GRIN2B: variants seen among roughly 807,000 people sequenced by gnomAD.
GRIN2B encodes glutamate ionotropic receptor NMDA type subunit 2B.
In GRIN2B, 5 loss-of-function variants were observed where a neutral mutation model predicts 114.5. The observed-to-expected ratio is 0.04, with a 90% CI of 0.02 to 0.09. GRIN2B has a LOEUF of 0.09. Among genes scored for constraint, GRIN2B ranks in the 10% least tolerant of loss-of-function variants. GRIN2B has a pLI of 1.00. For missense variants in GRIN2B, 1,108 were observed against 1,943.5 expected (o/e 0.57, Z 8.08); for synonymous variants, 787 against 745.1 (o/e 1.06, Z -0.92).
intron 3 of GRIN2B, among the ~76,000 whole-genome samples, chr12:13,833,411 C>T (rs1865189950): frequency 1.3e-5 from 2 of 152,304 alleles, no homozygotes; most frequent in African/African-American, 2.4e-5. Flanking sequence ...GCATATTGGC[C>T]TTTTGCTTAT....
At chr12:13,641,625 C>T (rs1158599962) in intron 5 of GRIN2B, among the ~76,000 whole-genome samples, 1 of 152,104 alleles carries the variant, frequency 6.6e-6, no homozygotes, top group Non-Finnish European at 1.5e-5. Flanking sequence ...CATCTATGAA[C>T]TTAATGAGTA....
At chr12:13,880,525 C>T (rs1352214757) in intron 2 of GRIN2B, among the ~76,000 whole-genome samples, 1 of 152,130 alleles carries the variant, frequency 6.6e-6, no homozygotes, top group Admixed American at 6.5e-5. Flanking sequence ...CCGCAGCTGC[C>T]TCTGAGAGCT....
At chr12:13,666,650 C>T (rs1949978980) in intron 5 of GRIN2B, among the ~76,000 whole-genome samples, 1 of 152,068 alleles carries the variant, frequency 6.6e-6, no homozygotes, top group South Asian at 2.1e-4. Context: ...AGTTAACATG[C>T]CAAGGTCAGA....
intron 2 of GRIN2B, among the ~76,000 whole-genome samples, chr12:13,931,767 G>C (rs902358415): frequency 2.6e-5 from 4 of 152,150 alleles, no homozygotes; most frequent in South Asian, 2.1e-4. Flanking sequence ...CAACTGCATA[G>C]TCATCCACAA....
At chr12:13,660,743 T>G (rs1360566087) in intron 5 of GRIN2B, among the ~76,000 whole-genome samples, 1 of 152,222 alleles carries the variant, frequency 6.6e-6, no homozygotes, top group Admixed American at 6.6e-5. Flanking sequence ...GCACTTCCTT[T>G]GCATCCTTAT....
intron 2 of GRIN2B, among the ~76,000 whole-genome samples, chr12:13,971,219 A>C (rs1379144145): frequency 2.0e-5 from 3 of 152,232 alleles, no homozygotes; most frequent in African/African-American, 7.2e-5. Flanking sequence ...AACCACACTC[A>C]TACCCTTTCT....
intron 2 of GRIN2B, among the ~76,000 whole-genome samples, chr12:13,894,309 G>C (rs1000136753): frequency 2.6e-5 from 4 of 152,074 alleles, no homozygotes; most frequent in African/African-American, 9.7e-5. Flanking sequence ...ATTTATAATA[G>C]TGAAAAATGG....
intron 2 of GRIN2B, among the ~76,000 whole-genome samples, chr12:13,872,654 T>C (rs767610984): frequency 1.3e-5 from 2 of 152,134 alleles, no homozygotes; most frequent in Non-Finnish European, 2.9e-5. Flanking sequence ...ATAACATACT[T>C]GACTAAGGGA....
chr12:13,819,649 A>C (rs1215003885), intron 3 of GRIN2B, among the ~76,000 whole-genome samples: 1 of 152,178 alleles, frequency 6.6e-6, no homozygotes, highest in Non-Finnish European at 1.5e-5. Context: ...CTCCCACAAA[A>C]CACAAAAATA....
At chr12:13,748,147 G>A (rs1434349363) in intron 4 of GRIN2B, among the ~76,000 whole-genome samples, 2 of 152,214 alleles carry the variant, frequency 1.3e-5, no homozygotes, top group Non-Finnish European at 2.9e-5. Context: ...AGAATTTAGG[G>A]AAGGAGGAAA....
intron 5 of GRIN2B, among the ~76,000 whole-genome samples, chr12:13,659,074 C>T (rs200994080): frequency 1.3e-5 from 2 of 152,224 alleles, no homozygotes; most frequent in East Asian, 3.9e-4. Flanking sequence ...TTATCCCCTC[C>T]GTGGAGAACA....
chr12:13,656,252 T>C (rs1949862120), intron 5 of GRIN2B, among the ~76,000 whole-genome samples: 1 of 152,236 alleles, frequency 6.6e-6, no homozygotes, highest in Non-Finnish European at 1.5e-5. Flanking sequence ...ATAAATTGTT[T>C]CTAATTTTGA....
chr12:13,783,126 A>G (rs1864150599), intron 3 of GRIN2B, among the ~76,000 whole-genome samples: 2 of 152,214 alleles, frequency 1.3e-5, no homozygotes, highest in Admixed American at 6.5e-5. Flanking sequence ...TTTATAATAC[A>G]CTACCAAAAA....
chr12:13,538,773 C>A lies in GRIN2B; in HGVS notation c.*24010G>T, dbSNP rs1373920019. On this transcript the variant is annotated 3_prime_UTR_variant, in exon 14 of 14. Transcript: ENST00000609686. ...AAGGCTGCAGTGAGCCGTAATCATA[C>A]CTCTCCACTCCAGCCTGGATGACAG... 1.3e-5 allele frequency: 2 copies of A among 151,842 alleles called. No individual in the cohort carries two copies. The highest frequency in any genetic ancestry group is 4.8e-5 in the African/African-American group (2 of 41,312). 9.4% of individuals were successfully genotyped at this position (151,842 alleles called of 1,614,324 possible).
intron 5 of GRIN2B, among the ~76,000 whole-genome samples, chr12:13,652,219 T>C (rs1033862554): frequency 2.0e-5 from 3 of 151,950 alleles, no homozygotes; most frequent in Non-Finnish European, 4.4e-5. Context: ...ACTTCAAATG[T>C]TTCCTTCTCT....
intron 3 of GRIN2B, among the ~76,000 whole-genome samples, chr12:13,802,474 G>A (rs747674961): frequency 2.0e-5 from 3 of 152,094 alleles, no homozygotes; most frequent in African/African-American, 4.8e-5. Flanking sequence ...AATTTATGCT[G>A]AAGAAATAAT....
intron 5 of GRIN2B, among the ~76,000 whole-genome samples, chr12:13,618,706 C>G (rs769770393): frequency 6.6e-6 from 1 of 152,192 alleles, no homozygotes; most frequent in Non-Finnish European, 1.5e-5. Flanking sequence ...TACATTGAGT[C>G]TAGCCTACCT....
At chr12:13,907,697 G>A (rs1866564969) in intron 2 of GRIN2B, among the ~76,000 whole-genome samples, 1 of 152,008 alleles carries the variant, frequency 6.6e-6, no homozygotes, top group Non-Finnish European at 1.5e-5. Flanking sequence ...TCTGTTTAGT[G>A]GTTATATGGA....
chr12:13,925,191 C>G (rs1451030517), intron 2 of GRIN2B, among the ~76,000 whole-genome samples: 1 of 152,218 alleles, frequency 6.6e-6, no homozygotes, highest in Non-Finnish European at 1.5e-5. Flanking sequence ...CTGACTTCAC[C>G]TTAGAAACAG....
Sources: allele counts gnomAD v4.1 joint callset (sites outside exome capture counted in the v4.1 genomes callset), GRCh38; gene constraint gnomAD v4.1.1; transcripts MANE v1.5; gene names NCBI Gene and HGNC (gene_info 2026-07-23, HGNC 2026-07-21).